LPP: variants seen among roughly 807,000 people sequenced by gnomAD.
LPP encodes LIM domain containing preferred translocation partner in lipoma, also known as lipoma-preferred partner.
In LPP, 38 loss-of-function variants were observed where a neutral mutation model predicts 60.4. That is an observed-to-expected ratio of 0.63 (90% CI 0.49 to 0.83). LPP has a LOEUF of 0.83. LPP is among the 40% of genes least tolerant of loss of function. The pLI is 0.00. For missense variants in LPP, 902 were observed against 783.6 expected (o/e 1.15, Z -1.80); for synonymous variants, 328 against 290.8 (o/e 1.13, Z -1.30).
chr3:188,580,715 A>G (rs780727143), intron 6 of LPP, among the ~76,000 whole-genome samples: 6 of 152,198 alleles, frequency 3.9e-5, no homozygotes, highest in Non-Finnish European at 7.3e-5. Flanking sequence ...TATATGATGG[A>G]TGATGGCTAC....
chr3:188,733,813 G>A (rs1348395387), intron 8 of LPP, among the ~76,000 whole-genome samples: 1 of 152,064 alleles, frequency 6.6e-6, no homozygotes, highest in African/African-American at 2.4e-5. Flanking sequence ...GAATTCATGT[G>A]GCTGTTTATA....
At chr3:188,232,118 G>A (rs554235568) in intron 2 of LPP, among the ~76,000 whole-genome samples, 6 of 152,164 alleles carry the variant, frequency 3.9e-5, no homozygotes, top group African/African-American at 9.6e-5. Flanking sequence ...ATCAAGCTCC[G>A]CAGTTTATTT....
intron 9 of LPP, among the ~76,000 whole-genome samples, chr3:188,808,765 A>G (rs1366374640): frequency 3.3e-5 from 5 of 152,148 alleles, no homozygotes; most frequent in South Asian, 2.1e-4. Flanking sequence ...TGCTGCACCT[A>G]TCAACCCGTT....
intron 9 of LPP, among the ~76,000 whole-genome samples, chr3:188,836,022 T>C (rs1192098316): frequency 1.3e-5 from 2 of 152,236 alleles, no homozygotes; most frequent in South Asian, 4.1e-4. Flanking sequence ...TTAGAACAAA[T>C]GCATTTGGGC....
At chr3:188,866,693 A>C (rs2151994973) in intron 10 of LPP, among the ~76,000 whole-genome samples, 1 of 152,288 alleles carries the variant, frequency 6.6e-6, no homozygotes, top group East Asian at 1.9e-4. Flanking sequence ...TCCTGGCCTA[A>C]ATATGAACAA....
intron 2 of LPP, among the ~76,000 whole-genome samples, chr3:188,304,245 C>T (rs1750817762): frequency 6.6e-6 from 1 of 152,070 alleles, no homozygotes; most frequent in Non-Finnish European, 1.5e-5. Context: ...CTTGCTGTAC[C>T]TCCAATTCAG....
At chr3:188,819,092 T>C (rs1753262581) in intron 9 of LPP, among the ~76,000 whole-genome samples, 1 of 151,662 alleles carries the variant, frequency 6.6e-6, no homozygotes, top group Admixed American at 6.6e-5. Context: ...GTTTTTGCCA[T>C]CTCTTCCTGT....
At chr3:188,397,914 G>A (rs140549107) in intron 3 of LPP, among the ~76,000 whole-genome samples, 211 of 152,216 alleles carry the variant, frequency 1.4e-3, no homozygotes, top group African/African-American at 5.0e-3. Flanking sequence ...GGGCCCGGCC[G>A]TGTCTCACTT....
At chr3:188,774,231 G>A (rs891260462) in intron 9 of LPP, among the ~76,000 whole-genome samples, 14 of 151,954 alleles carry the variant, frequency 9.2e-5, no homozygotes, top group African/African-American at 3.4e-4. Flanking sequence ...GGTCTGCCCA[G>A]TTTGGTTACA....
Position 188,495,064 on chromosome 3 carries a change from T to TTATATATATATA in LPP, c.306+10368_306+10379dup, listed in dbSNP as rs1192152538. Among the ~76,000 whole-genome samples, 537 of 53,852 alleles carry TTATATATATATA rather than the reference T, an allele frequency of 1.0e-2. 44 individuals carry two copies. The highest frequency in any genetic ancestry group is 0.023 in the East Asian group (13 of 568). 35.3% of individuals were successfully genotyped at this position (53,852 alleles called of 152,430 possible). A position where few individuals can be genotyped will look rare whatever the true frequency, so the allele number is the denominator to read the frequency against. On this transcript the variant is annotated intron_variant, in intron 5 of 11. Coordinates refer to ENST00000617246, the MANE Select transcript of LPP (RefSeq NM_001375462.1). ...CCTTGCTATTATAAGGTTCAGGATT[T>TTATATATATATA]TATATATATATATATATATTTTATT...
chr3:188,545,822 A>G (rs1018835067), intron 6 of LPP, among the ~76,000 whole-genome samples: 2 of 151,980 alleles, frequency 1.3e-5, no homozygotes, highest in African/African-American at 2.4e-5. Flanking sequence ...TCTACTATAC[A>G]CTGTTGATTG....
intron 4 of LPP, among the ~76,000 whole-genome samples, chr3:188,461,206 G>T (rs1047860860): frequency 1.3e-5 from 2 of 152,168 alleles, no homozygotes; most frequent in Non-Finnish European, 2.9e-5. Context: ...CCTTAGCCTA[G>T]TGACCCCTAA....
In LPP at chr3:188,704,999, A is replaced by G. The variant is rs115231011; in HGVS notation, c.1114-3268A>G. ...CACCAAACTACGTCTCAACTTTGAA[A>G]CTGTGCTCCTCTCAGGGTCCTTCAC... On this transcript the variant is annotated intron_variant, in intron 7 of 11. Coordinates refer to ENST00000617246, the MANE Select transcript of LPP (RefSeq NM_001375462.1). Among the ~76,000 whole-genome samples the G allele has an allele frequency of 5.1e-3, 779 of 152,204 alleles. 7 individuals are homozygous for G. The highest frequency in any genetic ancestry group is 0.017 in the African/African-American group (690 of 41,522).
At chr3:188,866,497 G>A (rs1766640402) in intron 10 of LPP, 119 bp downstream of exon 10, 1 of 840,296 alleles carries the variant, frequency 1.2e-6, no homozygotes, top group African/African-American at 1.8e-5. Context: ...GATTTAGTGA[G>A]GCTTTTAAAA....
intron 7 of LPP, among the ~76,000 whole-genome samples, chr3:188,631,143 A>C (rs1325183933): frequency 6.6e-6 from 1 of 152,196 alleles, no homozygotes; most frequent in Admixed American, 6.5e-5. Context: ...CTGATGTAAC[A>C]AACCTGCACA....
intron 4 of LPP, among the ~76,000 whole-genome samples, chr3:188,478,288 G>A (rs1579208215): frequency 6.6e-6 from 1 of 152,250 alleles, no homozygotes; most frequent in East Asian, 1.9e-4. Context: ...ATTTAGCTCA[G>A]TTATGTTCAA....
At chr3:188,204,059 G>A (rs1354822280) in intron 1 of LPP, among the ~76,000 whole-genome samples, 1 of 152,142 alleles carries the variant, frequency 6.6e-6, no homozygotes, top group South Asian at 2.1e-4. Flanking sequence ...GGCCAGTGAA[G>A]ACACTACTGA....
At chr3:188,445,910 GGTTTCCTATCA>G (rs755417285) in intron 4 of LPP, among the ~76,000 whole-genome samples, 5 of 152,100 alleles carry the variant, frequency 3.3e-5, no homozygotes, top group Non-Finnish European at 7.4e-5. Context: ...TAGATGTAAT[GGTTTCCTATCA>G]GTTTTATCAT....
chr3:188,390,233 G>C (rs1479729547), intron 3 of LPP, among the ~76,000 whole-genome samples: 1 of 152,000 alleles, frequency 6.6e-6, no homozygotes, highest in Non-Finnish European at 1.5e-5. Context: ...GAGCCGAGCT[G>C]GTTTCTCTTC....
Sources: gnomAD v4.1 joint callset for allele counts (sites outside exome capture counted in the v4.1 genomes callset) on GRCh38, gnomAD v4.1.1 for gene constraint, MANE v1.5 for transcripts, NCBI Gene and HGNC (gene_info 2026-07-23, HGNC 2026-07-21) for gene names.